NR3C2: variants seen among roughly 807,000 people sequenced by gnomAD.
The protein encoded by NR3C2 is nuclear receptor subfamily 3 group C member 2.
NR3C2 carries 15 observed loss-of-function variants against 86.4 expected under a neutral mutation model. That is an observed-to-expected ratio of 0.17 (90% CI 0.12 to 0.27). NR3C2 has a LOEUF of 0.27. Among genes scored for constraint, NR3C2 ranks in the 10% least tolerant of loss-of-function variants. NR3C2 has a pLI of 1.00. For missense variants in NR3C2, 960 were observed against 1,195.6 expected (o/e 0.80, Z 2.91); for synonymous variants, 458 against 450.5 (o/e 1.02, Z -0.21).
chr4:148,157,713 A>G (rs993173763), intron 4 of NR3C2, among the ~76,000 whole-genome samples: 5 of 152,214 alleles, frequency 3.3e-5, no homozygotes, highest in African/African-American at 9.6e-5. Flanking sequence ...TTTATTTAAA[A>G]ATTCTTGAAG....
chr4:148,147,105 TATA>T (rs1453059958), intron 6 of NR3C2, among the ~76,000 whole-genome samples: 1 of 152,230 alleles, frequency 6.6e-6, no homozygotes, highest in African/African-American at 2.4e-5. Context: ...GTTTTGAGTT[TATA>T]ATAAGAAAAG....
chr4:148,388,242 T>C (rs1747366118), intron 2 of NR3C2, among the ~76,000 whole-genome samples: 1 of 152,206 alleles, frequency 6.6e-6, no homozygotes, highest in African/African-American at 2.4e-5. Context: ...CTGAACATGC[T>C]ACATCCAAAA....
At chr4:148,242,901 A>T (rs1739130350) in intron 3 of NR3C2, among the ~76,000 whole-genome samples, 4 of 152,162 alleles carry the variant, frequency 2.6e-5, no homozygotes, top group Admixed American at 2.6e-4. Context: ...TTTTATGTGT[A>T]CTCAATGAGA....
intron 7 of NR3C2, among the ~76,000 whole-genome samples, chr4:148,117,752 A>C (rs1278894702): frequency 3.3e-5 from 5 of 152,152 alleles, no homozygotes; most frequent in African/African-American, 9.7e-5. Flanking sequence ...TCTCTGCTGG[A>C]AACAACAGCT....
At chr4:148,134,481 G>A (rs72651902) in intron 6 of NR3C2, among the ~76,000 whole-genome samples, 4 of 151,834 alleles carry the variant, frequency 2.6e-5, no homozygotes, top group Non-Finnish European at 5.9e-5. Flanking sequence ...CCTCTACTTC[G>A]AAATTCTGTG....
At chr4:148,292,017 A>G (rs556378530) in intron 2 of NR3C2, among the ~76,000 whole-genome samples, 1 of 152,240 alleles carries the variant, frequency 6.6e-6, no homozygotes, top group African/African-American at 2.4e-5. Flanking sequence ...TTTTATGGGC[A>G]CTTGAAGTAC....
intron 2 of NR3C2, among the ~76,000 whole-genome samples, chr4:148,331,180 A>G (rs889907565): frequency 5.2e-5 from 7 of 133,918 alleles, no homozygotes; most frequent in Non-Finnish European, 1.1e-4. Context: ...TTACTTGACA[A>G]GTGCAAAAGG....
intron 2 of NR3C2, among the ~76,000 whole-genome samples, chr4:148,298,311 C>A (rs1742165050): frequency 6.6e-6 from 1 of 152,160 alleles, no homozygotes; most frequent in African/African-American, 2.4e-5. Context: ...ACATGAAATT[C>A]TAGAAAGTGA....
At chr4:148,177,927 C>A (rs926352209) in intron 4 of NR3C2, among the ~76,000 whole-genome samples, 4 of 152,220 alleles carry the variant, frequency 2.6e-5, no homozygotes, top group African/African-American at 9.6e-5. Context: ...GTCCACCTTA[C>A]ACATTAATTA....
intron 3 of NR3C2, among the ~76,000 whole-genome samples, chr4:148,238,994 GCAAGCAGCCCAACAGA>G (rs1316692315): frequency 6.6e-6 from 1 of 152,154 alleles, no homozygotes; most frequent in Admixed American, 6.5e-5. Context: ...CGGAGGTGGG[GCAAGCAGCCCAACAGA>G]CAGATGGGAG....
rs774309681 is a variant in NR3C2, at chr4:148,081,492, C to T, written c.2807G>A (p.Ser936Asn). The T allele has an allele frequency of 6.2e-7, 1 of 1,613,862 alleles. No individual in the cohort carries two copies. Among genetic ancestry groups the T allele is most frequent in the Non-Finnish European group, 8.5e-7 (1 of 1,179,916 alleles). ...KLLDSMHDLV[S>N]DLLEFCFYTF... ...GTAGAAGCAGAATTCCAGCAGGTCGCTCACCAGCTGTAACACAGACACAGG... is the reference window on the plus strand; with the variant it reads ...GTAGAAGCAGAATTCCAGCAGGTCGTTCACCAGCTGTAACACAGACACAGG... Residue 936 changes from serine to asparagine, a missense_variant, in exon 9 of 9, where the codon AGC becomes AAC. This residue lies in a region of NR3C2 where 151 missense variants were observed against 296.3 expected (regional missense o/e 0.51). Transcript: ENST00000358102.
chr4:148,213,571 CTATGG>C (rs1737385491), intron 3 of NR3C2, among the ~76,000 whole-genome samples: 1 of 152,092 alleles, frequency 6.6e-6, no homozygotes, highest in Non-Finnish European at 1.5e-5. Context: ...GTTCCAAAGG[CTATGG>C]TCTTTCACAT....
intron 2 of NR3C2, among the ~76,000 whole-genome samples, chr4:148,275,878 T>C (rs921387908): frequency 4.6e-5 from 7 of 152,156 alleles, no homozygotes; most frequent in Admixed American, 4.6e-4. Flanking sequence ...CGAATTCAAT[T>C]CCTGAAATAG....
chr4:148,203,703 T>C (rs974287891), intron 3 of NR3C2, among the ~76,000 whole-genome samples: 2 of 130,522 alleles, frequency 1.5e-5, no homozygotes, highest in Admixed American at 8.9e-5. Context: ...GTTAAGACGG[T>C]GTCCAACAAG....
intron 2 of NR3C2, among the ~76,000 whole-genome samples, chr4:148,267,394 C>A (rs1579085447): frequency 6.6e-6 from 1 of 151,926 alleles, no homozygotes; most frequent in African/African-American, 2.4e-5. Flanking sequence ...GCTGGGACTA[C>A]AGGCACAAGC....
rs142721844 is a variant in NR3C2, at chr4:148,278,171, G to A, written c.1758-18054C>T. ...GGCTGGAGTGCAGTGGTGTGATCTC[G>A]GATCACTGCCACCTCCACCTCCACC... On this transcript the variant is annotated intron_variant, in intron 2 of 8. Coordinates refer to ENST00000358102, the MANE Select transcript of NR3C2 (RefSeq NM_000901.5). 9.4e-3 allele frequency among the ~76,000 whole-genome samples: 1,429 copies of A among 151,798 alleles called. 14 individuals carry two copies. The highest frequency in any genetic ancestry group is 0.033 in the African/African-American group (1,364 of 41,354).
chr4:148,397,836 G>A (rs1485388527), intron 2 of NR3C2, among the ~76,000 whole-genome samples: 1 of 152,074 alleles, frequency 6.6e-6, no homozygotes, highest in Non-Finnish European at 1.5e-5. Context: ...CATTTCCCAG[G>A]GCTGACATAA....
At chr4:148,363,502 A>ATTTTTTTTTT (rs1414328296) in intron 2 of NR3C2, among the ~76,000 whole-genome samples, 31 of 16,216 alleles carry the variant, frequency 1.9e-3, no homozygotes, top group Non-Finnish European at 2.5e-3. Flanking sequence ...CTTCTCATAG[A>ATTTTTTTTTT]TCTCTTTTTT....
intron 2 of NR3C2, among the ~76,000 whole-genome samples, chr4:148,327,276 TATTGAC>T (rs767450490): frequency 6.6e-6 from 1 of 152,216 alleles, no homozygotes; most frequent in African/African-American, 2.4e-5. Flanking sequence ...ATTATGTTCT[TATTGAC>T]AGAAAGAAAT....
Sources: allele counts gnomAD v4.1 joint callset (sites outside exome capture counted in the v4.1 genomes callset), GRCh38; gene constraint gnomAD v4.1.1; regional missense constraint gnomAD v4.1.1; transcripts MANE v1.5; gene names NCBI Gene and HGNC (gene_info 2026-07-23, HGNC 2026-07-21).